PDE1C: variants seen among roughly 807,000 people sequenced by gnomAD.
The protein encoded by PDE1C is phosphodiesterase 1C.
Under a neutral mutation model 93.1 loss-of-function variants are expected in PDE1C, and 62 were observed. The ratio of observed to expected loss-of-function variants is 0.67; its 90% confidence interval spans 0.54 to 0.82. The LOEUF is 0.82. PDE1C is among the 40% of genes least tolerant of loss of function. The pLI is 0.00. For synonymous variants in PDE1C, 325 were observed against 310.1 expected, an observed-to-expected ratio of 1.05 and a Z score of -0.50; for missense variants, 742 against 884.6, an observed-to-expected ratio of 0.84 and a Z score of 2.04.
chr7:32,423,935 G>C (rs1785482039), intron 1 of PDE1C, among the ~76,000 whole-genome samples: 1 of 152,178 alleles, frequency 6.6e-6, no homozygotes, highest in Non-Finnish European at 1.5e-5. Flanking sequence ...GGATCTCTCT[G>C]CAACCAGAGG....
intron 3 of PDE1C, among the ~76,000 whole-genome samples, chr7:31,879,853 T>TA (rs1797029050): frequency 3.3e-5 from 5 of 151,978 alleles, no homozygotes. Context: ...ATATTTACAG[T>TA]AAACCCAACT....
chr7:31,966,037 G>T (rs1424283549), intron 2 of PDE1C, among the ~76,000 whole-genome samples: 1 of 152,212 alleles, frequency 6.6e-6, no homozygotes, highest in African/African-American at 2.4e-5. Flanking sequence ...AGGCTAGGAA[G>T]AAACTGCATC....
At chr7:31,631,137 T>A in the PDE1C span, among the ~76,000 whole-genome samples, 1 of 152,146 alleles carries the variant, frequency 6.6e-6, no homozygotes, top group East Asian at 1.9e-4. Flanking sequence ...TCTTTTAACA[T>A]TATAAGAAAA....
At chr7:32,162,851 CA>C (rs1802004514) in intron 3 of PDE1C, among the ~76,000 whole-genome samples, 1 of 152,020 alleles carries the variant, frequency 6.6e-6, no homozygotes, top group Non-Finnish European at 1.5e-5. Flanking sequence ...CCTCCCTTCC[CA>C]AACTACCAGT....
chr7:31,847,380 G>C (rs1186539665), intron 9 of PDE1C, among the ~76,000 whole-genome samples: 1 of 152,038 alleles, frequency 6.6e-6, no homozygotes, highest in Non-Finnish European at 1.5e-5. Context: ...TCATGCAACA[G>C]AATTAAGTGT....
intron 2 of PDE1C, among the ~76,000 whole-genome samples, chr7:31,969,561 A>C (rs1256734635): frequency 2.0e-5 from 3 of 152,220 alleles, no homozygotes; most frequent in Non-Finnish European, 4.4e-5. Flanking sequence ...AAACTAGTTC[A>C]ACCATTGTGG....
intron 2 of PDE1C, among the ~76,000 whole-genome samples, chr7:32,023,845 C>T (rs1010306655): frequency 6.6e-6 from 1 of 152,072 alleles, no homozygotes; most frequent in Non-Finnish European, 1.5e-5. Flanking sequence ...GAGGTAATTA[C>T]ACAGGGCTAC....
intron 2 of PDE1C, among the ~76,000 whole-genome samples, chr7:32,175,152 A>G (rs1161240424): frequency 1.3e-5 from 2 of 152,160 alleles, no homozygotes; most frequent in East Asian, 3.9e-4. Flanking sequence ...GATTCACTCA[A>G]CACTCACTCT....
chr7:32,198,271 C>A (rs1259069514), intron 2 of PDE1C, among the ~76,000 whole-genome samples: 3 of 152,148 alleles, frequency 2.0e-5, no homozygotes, highest in African/African-American at 7.2e-5. Flanking sequence ...CATCTCTATA[C>A]AAATATTATT....
chr7:31,643,334 A>G, the PDE1C span: 1 of 1,614,000 alleles, frequency 6.2e-7, no homozygotes, highest in Non-Finnish European at 8.5e-7. Flanking sequence ...TATGCAACTG[A>G]CCTTGCTCAA....
chr7:32,133,889 C>A (rs897461051), intron 3 of PDE1C, among the ~76,000 whole-genome samples: 2 of 151,798 alleles, frequency 1.3e-5, no homozygotes, highest in Admixed American at 6.6e-5. Context: ...GGAAAACATG[C>A]TCACAATGAA....
chr7:32,198,840 G>A lies in PDE1C; in HGVS notation c.136+10649C>T, dbSNP rs765458252. On this transcript the variant is annotated intron_variant, in intron 2 of 18. Transcript: ENST00000396193. ...AACATAGAAAAAAAGAAACTCAGCC[G>A]GGCGCAGTGGTTCATGCCTATAACC... Among the ~76,000 whole-genome samples, 7 of 152,280 alleles carry A rather than the reference G, an allele frequency of 4.6e-5. No homozygotes were observed. In the East Asian group the frequency reaches 7.7e-4, roughly 17 times the overall value.
intron 1 of PDE1C, among the ~76,000 whole-genome samples, chr7:32,405,275 G>A (rs1785030617): frequency 6.7e-6 from 1 of 148,982 alleles, no homozygotes; most frequent in African/African-American, 2.5e-5. Context: ...TTTTGAGATG[G>A]AATTTCACTC....
the PDE1C span, among the ~76,000 whole-genome samples, chr7:31,724,997 G>T: frequency 6.6e-6 from 1 of 152,144 alleles, no homozygotes; most frequent in Non-Finnish European, 1.5e-5. Flanking sequence ...TATGCCATGG[G>T]CTACTATATA....
chr7:32,017,738 T>C (rs1237409390), intron 2 of PDE1C, among the ~76,000 whole-genome samples: 1 of 152,086 alleles, frequency 6.6e-6, no homozygotes, highest in African/African-American at 2.4e-5. Flanking sequence ...TTAATAAGCA[T>C]GTGAAAAGAT....
At chr7:31,832,671 T>A (rs948280460) in intron 11 of PDE1C, among the ~76,000 whole-genome samples, 3 of 152,204 alleles carry the variant, frequency 2.0e-5, no homozygotes, top group African/African-American at 4.8e-5. Flanking sequence ...ATAAAAATAA[T>A]TTACTGAATT....
chr7:31,904,255 T>C (rs1800318748), intron 2 of PDE1C, among the ~76,000 whole-genome samples: 1 of 152,066 alleles, frequency 6.6e-6, no homozygotes, highest in Non-Finnish European at 1.5e-5. Flanking sequence ...AATAGGAAGA[T>C]AAAACATTCT....
chr7:31,888,049 T>C (rs1251124238), intron 2 of PDE1C, among the ~76,000 whole-genome samples: 1 of 151,576 alleles, frequency 6.6e-6, no homozygotes, highest in Non-Finnish European at 1.5e-5. Flanking sequence ...GGTCAGGAGA[T>C]CATACTGGCT....
chr7:32,203,082 T>C (rs1188099725), intron 2 of PDE1C, among the ~76,000 whole-genome samples: 1 of 152,038 alleles, frequency 6.6e-6, no homozygotes, highest in African/African-American at 2.4e-5. Context: ...GCACCCTACA[T>C]GTACGTGATC....
Sources: gnomAD v4.1 joint callset for allele counts (sites outside exome capture counted in the v4.1 genomes callset) on GRCh38, gnomAD v4.1.1 for gene constraint, MANE v1.5 for transcripts, NCBI Gene and HGNC (gene_info 2026-07-23, HGNC 2026-07-21) for gene names.